Variants in KLKB1 observed in about 807,000 individuals in gnomAD.
KLKB1 encodes plasma kallikrein.
Under a neutral mutation model 73.6 loss-of-function variants are expected in KLKB1, and 58 were observed. The observed-to-expected ratio is 0.79, with a 90% CI of 0.64 to 0.98. KLKB1 has a LOEUF of 0.98. Among genes scored for constraint, KLKB1 ranks in the 50% least tolerant of loss-of-function variants. The pLI is 0.00. For synonymous variants in KLKB1, 280 were observed against 258.1 expected (o/e 1.08, Z -0.81); for missense variants, 737 against 763.8 (o/e 0.96, Z 0.41).
upstream of KLKB1, among the ~76,000 whole-genome samples, chr4:186,222,925 A>G (rs143667639): frequency 7.9e-5 from 12 of 152,202 alleles, no homozygotes; most frequent in African/African-American, 2.7e-4. Context: ...TGCAATCCCC[A>G]GGTGTCAAAG....
chr4:186,225,104 T>G (rs10025990), upstream of KLKB1, among the ~76,000 whole-genome samples: 1 of 152,156 alleles, frequency 6.6e-6, no homozygotes, highest in Non-Finnish European at 1.5e-5. Flanking sequence ...CATGGGTAAC[T>G]GTGAGTCAGT....
At chr4:186,244,736 G>A (rs536700464) in intron 6 of KLKB1, among the ~76,000 whole-genome samples, 14 of 152,284 alleles carry the variant, frequency 9.2e-5, no homozygotes, top group African/African-American at 2.6e-4. Context: ...AGGCTTGTCC[G>A]GTTTTTGGAC....
chr4:186,236,279 A>G (rs981034116), intron 4 of KLKB1, among the ~76,000 whole-genome samples: 4 of 152,198 alleles, frequency 2.6e-5, no homozygotes, highest in African/African-American at 9.6e-5. Flanking sequence ...GTAAACAACA[A>G]CTCTCCACAT....
intron 6 of KLKB1, among the ~76,000 whole-genome samples, chr4:186,246,728 G>C (rs35792324): frequency 0.11 from 16,461 of 151,384 alleles, 966 homozygotes; most frequent in South Asian, 0.2. Flanking sequence ...GAGAAGGGGT[G>C]GGGGGGTGCT....
At chr4:186,245,740 C>T (rs1426534150) in intron 6 of KLKB1, among the ~76,000 whole-genome samples, 1 of 151,398 alleles carries the variant, frequency 6.6e-6, no homozygotes, top group East Asian at 1.9e-4. Context: ...TATTGTACAT[C>T]TTGAAGGCGA....
chr4:186,253,256 G>C (rs1738806333), intron 11 of KLKB1, among the ~76,000 whole-genome samples: 1 of 152,072 alleles, frequency 6.6e-6, no homozygotes, highest in Non-Finnish European at 1.5e-5. Context: ...GAAGACACTT[G>C]ATTTTTCTCA....
chr4:186,254,617 A>G lies in KLKB1; in HGVS notation c.1343A>G (p.Tyr448Cys), dbSNP rs534788123. Residue 448 changes from tyrosine (Y) to cysteine (C), a missense_variant, in exon 12 of 15, where the codon TAT becomes TGT. Transcript: ENST00000264690. ...CCCCTGCAGGATGTTTGGCGCATCT[A>G]TAGTGGCATTTTAAATCTGTCAGAC... ...GLPLQDVWRI[Y>C]SGILNLSDIT... 6.2e-7 allele frequency: 1 copy of G among 1,614,084 alleles called. No homozygotes were observed. Among genetic ancestry groups the G allele is most frequent in the Admixed American group, 1.7e-5 (1 of 60,026 alleles).
chr4:186,245,823 G>GTTTTTTTTTTTTTTTTTTTTTTTTT (rs1561460148), intron 6 of KLKB1, among the ~76,000 whole-genome samples: 1 of 48,604 alleles, frequency 2.1e-5, no homozygotes, highest in Non-Finnish European at 5.8e-5. Flanking sequence ...TTTGTTTTTT[G>GTTTTTTTTTTTTTTTTTTTTTTTTT]GTTTTTTTTT....
intron 14 of KLKB1, among the ~76,000 whole-genome samples, chr4:186,257,744 A>AGTGT (rs67371055): frequency 0.15 from 21,957 of 147,012 alleles, 1,656 homozygotes; most frequent in East Asian, 0.24. Flanking sequence ...AGAAAGAGTG[A>AGTGT]GTGTGTGTGT....
intron 11 of KLKB1, among the ~76,000 whole-genome samples, chr4:186,254,188 G>C (rs116351069): frequency 6.6e-6 from 1 of 152,194 alleles, no homozygotes; most frequent in African/African-American, 2.4e-5. Context: ...AATTAGAAGA[G>C]CATTAGAAGA....
chr4:186,237,887 T>A (rs2126640729), intron 5 of KLKB1, among the ~76,000 whole-genome samples: 1 of 152,216 alleles, frequency 6.6e-6, no homozygotes, highest in East Asian at 1.9e-4. Context: ...TTGGTGTCAT[T>A]TTTTCCTGAA....
chr4:186,234,098 G>C, intron 4 of KLKB1, 40 bp downstream of exon 4: 1 of 1,449,104 alleles, frequency 6.9e-7, no homozygotes, highest in Non-Finnish European at 9.7e-7. Context: ...AGTTAATATT[G>C]GATCTCGCTT....
At chr4:186,214,420 C>T (rs921110544) in intron 2 of KLKB1, among the ~76,000 whole-genome samples, 1 of 152,158 alleles carries the variant, frequency 6.6e-6, no homozygotes, top group Non-Finnish European at 1.5e-5. Context: ...GAAGGAAGGG[C>T]CCCCATTCTC....
At chr4:186,234,535 T>C (rs1368127602) in intron 4 of KLKB1, among the ~76,000 whole-genome samples, 1 of 152,182 alleles carries the variant, frequency 6.6e-6, no homozygotes, top group Admixed American at 6.5e-5. Flanking sequence ...GCCAGAATGT[T>C]TGAATGCTGA....
At chr4:186,222,090 G>A (rs1021586327), upstream of KLKB1, among the ~76,000 whole-genome samples, 13 of 152,072 alleles carry the variant, frequency 8.5e-5, no homozygotes, top group South Asian at 2.1e-4. Context: ...CTCTGCTTTC[G>A]TTTGGTTATC....
intron 7 of KLKB1, chr4:186,250,959 G>T (rs559339307): frequency 1.5e-5 from 7 of 472,972 alleles, no homozygotes; most frequent in African/African-American, 1.2e-4. Flanking sequence ...TGTTTTTCCA[G>T]TTAGAAGGTG....
At chr4:186,256,186 T>G (rs1007905209) in intron 13 of KLKB1, 99 bp downstream of exon 13, 61 of 746,624 alleles carry the variant, frequency 8.2e-5, no homozygotes, top group Middle Eastern at 2.3e-4. Context: ...AAATTATATC[T>G]AAACTCTTTA....
Position 186,258,208 on chromosome 4 carries a change from C to A in KLKB1, c.1913C>A (p.Ala638Glu). Residue 638 changes from alanine to glutamate, a missense_variant, in exon 15 of 15, where the codon GCA becomes GAA. Ala to Glu is a moderately radical substitution (Grantham distance 107). Coordinates refer to ENST00000264690, the MANE Select transcript of KLKB1 (RefSeq NM_000892.5). Reference sequence around the variant, plus strand: ...GGAAAAGCTCAGATGCAGTCACCAGCATGAGAAGCAGTCCAGAGTCTAGGC... The same window carrying A: ...GGAAAAGCTCAGATGCAGTCACCAGAATGAGAAGCAGTCCAGAGTCTAGGC... ...SDGKAQMQSP[A>E] The A allele has an allele frequency of 6.2e-7, 1 of 1,613,628 alleles. No homozygotes were observed. The highest frequency in any genetic ancestry group is 2.2e-5 in the East Asian group (1 of 44,876).
intron 4 of KLKB1, among the ~76,000 whole-genome samples, chr4:186,234,871 T>C (rs1010903614): frequency 3.3e-5 from 5 of 152,262 alleles, no homozygotes; most frequent in African/African-American, 1.2e-4. Flanking sequence ...AAGATTCAAC[T>C]GATGGGTTGT....
Sources: allele counts gnomAD v4.1 joint callset (sites outside exome capture counted in the v4.1 genomes callset), GRCh38; gene constraint gnomAD v4.1.1; transcripts MANE v1.5; gene names NCBI Gene and HGNC (gene_info 2026-07-23, HGNC 2026-07-21).